The following SORCS2 variants were observed in gnomAD, a reference collection of about 807,000 sequenced individuals.
The protein encoded by SORCS2 is sortilin related VPS10 domain containing receptor 2, also known as VPS10 domain-containing receptor SorCS2.
A neutral mutation model predicts 141.6 loss-of-function variants in SORCS2; 100 were observed. The ratio of observed to expected loss-of-function variants is 0.71; its 90% CI spans 0.60 to 0.83. The LOEUF (loss-of-function observed/expected upper bound fraction) is 0.83, where lower values mean the gene tolerates loss of function less well. Among genes scored for constraint, SORCS2 ranks in the 40% least tolerant of loss-of-function variants. The pLI is 0.00. For synonymous variants in SORCS2, 789 were observed against 676.9 expected (o/e 1.17, Z -2.57); for missense variants, 1,646 against 1,560.2 (o/e 1.05, Z -0.93).
intron 25 of SORCS2, 147 bp downstream of exon 25, chr4:7,734,521 G>A: frequency 1.6e-6 from 1 of 614,314 alleles, no homozygotes; most frequent in Non-Finnish European, 2.7e-6. Flanking sequence ...TGGGCTGCAG[G>A]GGGAGGTGCT....
chr4:7,404,730 G>A (rs1454487882), intron 2 of SORCS2, among the ~76,000 whole-genome samples: 1 of 152,092 alleles, frequency 6.6e-6, no homozygotes, highest in Non-Finnish European at 1.5e-5. Context: ...AGTTGTTTGA[G>A]TTCCTTATAA....
At chr4:7,540,765 G>C (rs1044806099) in intron 3 of SORCS2, among the ~76,000 whole-genome samples, 1 of 152,158 alleles carries the variant, frequency 6.6e-6, no homozygotes, top group Non-Finnish European at 1.5e-5. Flanking sequence ...CTATTTCCTG[G>C]CTTTCCGACC....
chr4:7,491,383 A>G (rs1723425145), intron 2 of SORCS2, among the ~76,000 whole-genome samples: 1 of 152,190 alleles, frequency 6.6e-6, no homozygotes, highest in Admixed American at 6.5e-5. Flanking sequence ...TGCCCCTGTC[A>G]TGGAGTCCCG....
intron 3 of SORCS2, among the ~76,000 whole-genome samples, chr4:7,609,704 C>T (rs1394365955): frequency 7.9e-5 from 12 of 152,216 alleles, no homozygotes; most frequent in Admixed American, 2.6e-4. Flanking sequence ...CTCCAGAGAG[C>T]GGCTCAGGAA....
intron 3 of SORCS2, among the ~76,000 whole-genome samples, chr4:7,570,290 G>T (rs1268051148): frequency 2.6e-5 from 4 of 152,214 alleles, no homozygotes; most frequent in Non-Finnish European, 5.9e-5. Flanking sequence ...CGCTGAGCCT[G>T]TGTCCCACTT....
At chr4:7,285,003 G>A (rs1475360310) in intron 1 of SORCS2, among the ~76,000 whole-genome samples, 17 of 150,342 alleles carry the variant, frequency 1.1e-4, no homozygotes, top group African/African-American at 3.4e-4. Context: ...AGACCTACCC[G>A]CTCACCTGGG....
At chr4:7,508,682 C>CA (rs1288947217) in intron 2 of SORCS2, among the ~76,000 whole-genome samples, 1 of 152,100 alleles carries the variant, frequency 6.6e-6, no homozygotes, top group Non-Finnish European at 1.5e-5. Flanking sequence ...ATTCATTACT[C>CA]AAGCTTTTAC....
At chr4:7,274,427 T>C (rs903980632) in intron 1 of SORCS2, among the ~76,000 whole-genome samples, 4 of 152,172 alleles carry the variant, frequency 2.6e-5, no homozygotes, top group African/African-American at 9.7e-5. Flanking sequence ...ACAGGAAGCA[T>C]GATGCCGGGC....
chr4:7,230,257 T>C (rs1711756801), intron 1 of SORCS2, among the ~76,000 whole-genome samples: 1 of 126,226 alleles, frequency 7.9e-6, no homozygotes, highest in Non-Finnish European at 1.7e-5. Flanking sequence ...GATGGTCAAG[T>C]CTTCTAGTCG....
intron 1 of SORCS2, among the ~76,000 whole-genome samples, chr4:7,339,140 G>C (rs1198066033): frequency 6.6e-6 from 1 of 152,218 alleles, no homozygotes; most frequent in East Asian, 1.9e-4. Context: ...GGGGACAGGA[G>C]GGCTGCTTTC....
chr4:7,419,446 G>A (rs1208695256), intron 2 of SORCS2, among the ~76,000 whole-genome samples: 2 of 152,186 alleles, frequency 1.3e-5, no homozygotes, highest in Non-Finnish European at 2.9e-5. Context: ...AGAAAGGGTG[G>A]CCTCTGAGGT....
chr4:7,309,804 C>T (rs575776412), intron 1 of SORCS2, among the ~76,000 whole-genome samples: 3 of 152,226 alleles, frequency 2.0e-5, no homozygotes, highest in Admixed American at 2.0e-4. Context: ...GGCCTGAGGC[C>T]CGCGTAACCC....
chr4:7,443,798 G>C (rs563783037), intron 2 of SORCS2, among the ~76,000 whole-genome samples: 1 of 152,358 alleles, frequency 6.6e-6, no homozygotes, highest in South Asian at 2.1e-4. Context: ...CATGTGGCCT[G>C]GCCTCCTCGT....
intron 3 of SORCS2, among the ~76,000 whole-genome samples, chr4:7,540,858 A>G (rs552365071): frequency 5.4e-4 from 83 of 152,322 alleles, no homozygotes; most frequent in African/African-American, 1.9e-3. Context: ...AAATGGGAGG[A>G]TGCCTGACTC....
At chr4:7,415,808 G>C (rs1725629317) in intron 2 of SORCS2, among the ~76,000 whole-genome samples, 1 of 152,230 alleles carries the variant, frequency 6.6e-6, no homozygotes, top group East Asian at 1.9e-4. Flanking sequence ...TCTGTGCTAG[G>C]CACTTTGCCA....
rs536749070 is a variant in SORCS2 at position 7,367,095 on chromosome 4, C to G, written c.481-29193C>G. ...CTGGGTCTCCTCGGAGTACAAGATC[C>G]CCAAAGGGGAGCCCCGTGATGTGGC... On this transcript the variant is annotated intron_variant, in intron 1 of 26. Transcript: ENST00000507866. Among the ~76,000 whole-genome samples, 13 of 152,308 alleles carry G rather than the reference C, an allele frequency of 8.5e-5. No homozygotes were observed. The South Asian group carries it at 2.5e-3, about 29-fold the overall frequency.
chr4:7,220,207 G>A (rs982551143), intron 1 of SORCS2, among the ~76,000 whole-genome samples: 7 of 152,046 alleles, frequency 4.6e-5, no homozygotes, highest in African/African-American at 1.7e-4. Context: ...CCAGCTGGGT[G>A]CCATGGGGCC....
At chr4:7,601,204 A>G (rs1241296618) in intron 3 of SORCS2, among the ~76,000 whole-genome samples, 1 of 152,176 alleles carries the variant, frequency 6.6e-6, no homozygotes, top group Non-Finnish European at 1.5e-5. Flanking sequence ...AAATAATGCA[A>G]AGGCCTCCCT....
chr4:7,498,779 G>A (rs4260538), intron 2 of SORCS2, among the ~76,000 whole-genome samples: 123,219 of 152,228 alleles, frequency 0.81, 51,932 homozygotes, highest in South Asian at 0.96. Context: ...CCGGGAGCTG[G>A]GAATGCCAGC....
Sources: gnomAD v4.1 joint callset for allele counts (sites outside exome capture counted in the v4.1 genomes callset) on GRCh38, gnomAD v4.1.1 for gene constraint, MANE v1.5 for transcripts, NCBI Gene and HGNC (gene_info 2026-07-23, HGNC 2026-07-21) for gene names.